PTPRN2: variants seen among roughly 807,000 people sequenced by gnomAD.
PTPRN2 encodes the protein protein tyrosine phosphatase receptor type N2.
Under a neutral mutation model 118.8 loss-of-function variants are expected in PTPRN2, and 74 were observed. That is an observed-to-expected ratio of 0.62 (90% CI 0.52 to 0.76). The LOEUF is 0.76. PTPRN2 is among the 30% of genes least tolerant of loss of function. The pLI is 0.00. For synonymous variants in PTPRN2, 641 were observed against 608.0 expected (o/e 1.05, Z -0.80); for missense variants, 1,481 against 1,394.4 (o/e 1.06, Z -0.99).
At chr7:157,901,596 T>C (rs1013505142) in intron 11 of PTPRN2, among the ~76,000 whole-genome samples, 1 of 152,248 alleles carries the variant, frequency 6.6e-6, no homozygotes, top group Non-Finnish European at 1.5e-5. Flanking sequence ...ACAATGGCTG[T>C]ACTGAATAAT....
intron 3 of PTPRN2, among the ~76,000 whole-genome samples, chr7:158,301,964 CCT>C (rs1800925057): frequency 6.6e-6 from 1 of 152,128 alleles, no homozygotes; most frequent in Non-Finnish European, 1.5e-5. Flanking sequence ...AAAGCAATCC[CCT>C]GTCCCATGAG....
chr7:158,340,673 C>A (rs1490531169), intron 2 of PTPRN2, among the ~76,000 whole-genome samples: 1 of 97,756 alleles, frequency 1.0e-5, no homozygotes, highest in Admixed American at 1.0e-4. Flanking sequence ...CACTCACACC[C>A]ACACTCTCAC....
chr7:157,928,936 A>G (rs1303768641), intron 11 of PTPRN2, among the ~76,000 whole-genome samples: 2 of 152,040 alleles, frequency 1.3e-5, no homozygotes, highest in South Asian at 2.1e-4. Flanking sequence ...GGCAGCACAC[A>G]AGGCAGGACA....
At chr7:158,586,942 G>A in intron 1 of PTPRN2, among the ~76,000 whole-genome samples, 1 of 151,966 alleles carries the variant, frequency 6.6e-6, no homozygotes, top group Non-Finnish European at 1.5e-5. Flanking sequence ...CGGGGTAGAG[G>A]CAGGAGGCGG....
intron 12 of PTPRN2, among the ~76,000 whole-genome samples, chr7:157,757,689 C>T (rs1402756128): frequency 6.6e-6 from 1 of 150,908 alleles, no homozygotes; most frequent in Non-Finnish European, 1.5e-5. Flanking sequence ...TTTTTTAAAC[C>T]TCCCCCACCC....
chr7:157,551,558 C>CCACAGCCAG (rs1439526633), intron 21 of PTPRN2, among the ~76,000 whole-genome samples: 1 of 146,484 alleles, frequency 6.8e-6, no homozygotes, highest in Non-Finnish European at 1.5e-5. Flanking sequence ...ACCACACACC[C>CCACAGCCAG]CACGCACCCC....
chr7:158,019,220 C>T (rs12531473), intron 11 of PTPRN2, among the ~76,000 whole-genome samples: 7,448 of 152,326 alleles, frequency 0.049, 247 homozygotes, highest in Admixed American at 0.084. Context: ...GCTGCAGGGG[C>T]CTCCCCGATC....
rs1026667287 is a variant in PTPRN2, at chr7:158,489,616, C to T, written c.163+119G>A. 4.8e-5 allele frequency: 51 copies of T among 1,053,748 alleles called. No homozygotes were observed. In the African/African-American group the frequency reaches 5.8e-4, roughly 12 times the overall value. The allele number at this position is 1,053,748 out of a possible 1,614,324, so 65.3% of individuals were successfully genotyped here. A position where few individuals can be genotyped will look rare whatever the true frequency, so the allele number is the denominator to read the frequency against. ...CGGGGTTCCATCCGCCTCCTCTCGG[C>T]AGCGCGCCCCGGGCGGCCCCAGCTC... On this transcript the variant is annotated intron_variant, in intron 2 of 22. Coordinates refer to ENST00000389418, the MANE Select transcript of PTPRN2 (RefSeq NM_002847.5).
At chr7:158,288,858 C>T (rs1799930539) in intron 3 of PTPRN2, among the ~76,000 whole-genome samples, 1 of 152,182 alleles carries the variant, frequency 6.6e-6, no homozygotes, top group South Asian at 2.1e-4. Flanking sequence ...TGTAGGACAG[C>T]TCTGGTGGTG....
chr7:157,831,292 AGCACTGCG>A lies in PTPRN2; in HGVS notation c.1788+67373_1788+67380del, dbSNP rs1398240357. 1.3e-5 allele frequency among the ~76,000 whole-genome samples: 2 copies of A among 152,184 alleles called. No individual in the cohort carries two copies. The highest frequency in any genetic ancestry group is 4.8e-5 in the African/African-American group (2 of 41,440). ...GTCCCAGCGACCTGTAGCCTCATCC[AGCACTGCG>A]GCCACTCCTCCTCCAGGTGTCCCGC... On this transcript the variant is annotated intron_variant, in intron 12 of 22. Transcript: ENST00000389418. This position sits in a 1 kb window ranked among gnomAD's most constrained non-coding sequence, Gnocchi z 4.8.
At chr7:158,231,226 C>T (rs1454622573) in intron 3 of PTPRN2, among the ~76,000 whole-genome samples, 3 of 152,092 alleles carry the variant, frequency 2.0e-5, no homozygotes, top group African/African-American at 7.2e-5. Flanking sequence ...ATGATCACAC[C>T]ACTGCACTCA....
intron 11 of PTPRN2, among the ~76,000 whole-genome samples, chr7:157,931,577 T>C (rs1254041043): frequency 6.6e-6 from 1 of 152,228 alleles, no homozygotes; most frequent in African/African-American, 2.4e-5. Flanking sequence ...GCATTAACTC[T>C]AAAACTGTTT....
intron 2 of PTPRN2, among the ~76,000 whole-genome samples, chr7:158,332,995 C>G (rs1804806876): frequency 2.2e-5 from 3 of 137,412 alleles, no homozygotes; most frequent in Non-Finnish European, 4.6e-5. Context: ...AGACGTCACT[C>G]ACACCCACAC....
At chr7:158,248,919 CA>C (rs1284635880) in intron 3 of PTPRN2, among the ~76,000 whole-genome samples, 8 of 149,654 alleles carry the variant, frequency 5.3e-5, no homozygotes, top group Non-Finnish European at 1.2e-4. Context: ...ATACACCACA[CA>C]GTGCACACAT....
rs369977437 is a variant in PTPRN2, at chr7:158,131,266, CAT to C, written c.1556+2409_1556+2410del. On this transcript the variant is annotated intron_variant, in intron 9 of 22. Coordinates refer to ENST00000389418, the MANE Select transcript of PTPRN2 (RefSeq NM_002847.5). ...ACACATACATACACACGCAAATATGCATAGACACAAATACCTGAACAGATGCA... is the reference window on the plus strand; with the variant it reads ...ACACATACATACACACGCAAATATGCAGACACAAATACCTGAACAGATGCA... 1.4e-4 allele frequency among the ~76,000 whole-genome samples: 22 copies of C among 151,852 alleles called. No homozygotes were observed. The East Asian group carries it at 4.3e-3, about 29-fold the overall frequency.
chr7:157,648,591 C>T (rs1260982709), intron 14 of PTPRN2, among the ~76,000 whole-genome samples: 1 of 130,574 alleles, frequency 7.7e-6, no homozygotes, highest in Non-Finnish European at 1.6e-5. Context: ...GCACTGAACT[C>T]GGTGGGTCGG....
intron 3 of PTPRN2, among the ~76,000 whole-genome samples, chr7:158,257,109 G>C: frequency 6.6e-6 from 1 of 152,132 alleles, no homozygotes; most frequent in East Asian, 1.9e-4. Flanking sequence ...AGTTGAATGA[G>C]GGACCCGGAC....
At chr7:158,274,124 GGGGAGCCGCAGACACA>G (rs1299315559) in intron 3 of PTPRN2, among the ~76,000 whole-genome samples, 1 of 30,714 alleles carries the variant, frequency 3.3e-5, no homozygotes, top group Non-Finnish European at 7.1e-5. Context: ...CCGCAGACAC[GGGGAGCCGCAGACACA>G]GGGAGCCGCA....
intron 14 of PTPRN2, among the ~76,000 whole-genome samples, chr7:157,653,754 G>A (rs1012874582): frequency 6.6e-5 from 10 of 151,952 alleles, no homozygotes; most frequent in African/African-American, 2.4e-4. Context: ...AGGGTCCAAG[G>A]CCCACGTCTG....
Sources: gnomAD v4.1 joint callset for allele counts (sites outside exome capture counted in the v4.1 genomes callset) on GRCh38, gnomAD v4.1.1 for gene constraint, Gnocchi (gnomAD v3.1) non-coding constraint, MANE v1.5 for transcripts, NCBI Gene and HGNC (gene_info 2026-07-23, HGNC 2026-07-21) for gene names.